QKI: variants seen among roughly 807,000 people sequenced by gnomAD.
QKI encodes the protein QKI, KH domain containing RNA binding.
Under a neutral mutation model 39.0 loss-of-function variants are expected in QKI, and 10 were observed. That is an observed-to-expected ratio of 0.26 (90% CI 0.16 to 0.43). The LOEUF is 0.43. Ranked by LOEUF, QKI falls within the 20% of genes least tolerant of loss-of-function variation. QKI has a pLI of 1.00. For synonymous variants in QKI, 204 were observed against 155.4 expected (o/e 1.31, Z -2.33); for missense variants, 218 against 428.0 (o/e 0.51, Z 4.33).
intron 3 of QKI, among the ~76,000 whole-genome samples, chr6:163,505,506 A>G (rs1001365142): frequency 6.6e-6 from 1 of 152,178 alleles, no homozygotes; most frequent in Non-Finnish European, 1.5e-5. Flanking sequence ...ATCCCTTGCA[A>G]CAACGTGTCC....
chr6:163,570,876 T>G lies in QKI; in HGVS notation c.*166T>G. Reference sequence around the variant, plus strand: ...CTAACCAAACAAAAGACAAAGAAATTGTTGTCCTCCAACTCAGCTTTTTTT... The same window carrying G: ...CTAACCAAACAAAAGACAAAGAAATGGTTGTCCTCCAACTCAGCTTTTTTT... On this transcript the variant is annotated 3_prime_UTR_variant, in exon 8 of 8. Transcript: ENST00000361752. 6 of 993,466 alleles carry G rather than the reference T, an allele frequency of 6.0e-6. No homozygotes were observed. Among genetic ancestry groups the G allele is most frequent in the South Asian group, 1.9e-5 (1 of 51,362 alleles). The allele number at this position is 993,466 out of a possible 1,614,324, so 61.5% of individuals were successfully genotyped here. A position where few individuals can be genotyped will look rare whatever the true frequency, so the allele number is the denominator to read the frequency against.
intron 1 of QKI, among the ~76,000 whole-genome samples, chr6:163,424,478 G>A (rs545260926): frequency 6.6e-6 from 1 of 152,250 alleles, no homozygotes; most frequent in East Asian, 1.9e-4. Context: ...CTGGTTTGGT[G>A]ATCTTGGGTG....
rs73015374 is a variant in QKI, at chr6:163,459,592, A to G, written c.285+4171A>G. Reference sequence around the variant, plus strand: ...GCCGAAAAATAATTGAGATGATCACATTGGCTTTGAGCATATGCTTGCTTT... The same window carrying G: ...GCCGAAAAATAATTGAGATGATCACGTTGGCTTTGAGCATATGCTTGCTTT... On this transcript the variant is annotated intron_variant, in intron 2 of 7. Transcript: ENST00000361752. Among the ~76,000 whole-genome samples the G allele has an allele frequency of 6.0e-3, 907 of 152,282 alleles. 6 individuals carry two copies. The highest frequency in any genetic ancestry group is 8.9e-3 in the Non-Finnish European group (605 of 68,030).
chr6:163,515,139 G>A (rs1025772940), intron 3 of QKI, among the ~76,000 whole-genome samples: 10 of 152,110 alleles, frequency 6.6e-5, no homozygotes, highest in Non-Finnish European at 1.5e-4. Context: ...TTGAAAAGAT[G>A]CTTTACCTTA....
At chr6:163,432,016 A>G (rs1254614105) in intron 1 of QKI, among the ~76,000 whole-genome samples, 1 of 152,136 alleles carries the variant, frequency 6.6e-6, no homozygotes, top group Admixed American at 6.5e-5. Flanking sequence ...ACAGAAATAT[A>G]TTTAAGTTAC....
At chr6:163,529,168 C>G (rs1000993909) in intron 3 of QKI, among the ~76,000 whole-genome samples, 2 of 152,012 alleles carry the variant, frequency 1.3e-5, no homozygotes, top group African/African-American at 4.8e-5. Flanking sequence ...GTCATGTACA[C>G]CTGGTAACTA....
Position 163,571,790 on chromosome 6 carries a change from CA to C in QKI, c.*1084del, listed in dbSNP as rs1562559779. 2 of 151,264 alleles carry C rather than the reference CA, an allele frequency of 1.3e-5. No homozygotes were observed. The highest frequency in any genetic ancestry group is 1.9e-4 in the East Asian group (1 of 5,178). 9.4% of individuals were successfully genotyped at this position (151,264 alleles called of 1,614,324 possible). ...ATTTTTTCTGGTGGTTGTCAAGAAA[CA>C]AAAGACCAAAAGAGCCTTTTTGTCT... On this transcript the variant is annotated 3_prime_UTR_variant, in exon 8 of 8. Transcript: ENST00000361752.
At chr6:163,510,495 G>A (rs6455901) in intron 3 of QKI, among the ~76,000 whole-genome samples, 112,750 of 151,052 alleles carry the variant, frequency 0.75, 42,174 homozygotes, top group East Asian at 1. Flanking sequence ...CGGGAGGTGT[G>A]GGTTGCAGTG....
At chr6:163,464,515 T>C (rs887661944) in intron 2 of QKI, among the ~76,000 whole-genome samples, 3 of 152,088 alleles carry the variant, frequency 2.0e-5, no homozygotes, top group African/African-American at 4.8e-5. Flanking sequence ...ACATTACAAC[T>C]GATACCATAG....
chr6:163,497,409 A>G (rs550601338), intron 3 of QKI, among the ~76,000 whole-genome samples: 2 of 152,134 alleles, frequency 1.3e-5, no homozygotes, highest in South Asian at 4.1e-4. Context: ...TGTATAGTTT[A>G]CTTTTTTCTG....
chr6:163,557,949 A>T (rs866616163), intron 4 of QKI, among the ~76,000 whole-genome samples: 1 of 152,220 alleles, frequency 6.6e-6, no homozygotes, highest in African/African-American at 2.4e-5. Flanking sequence ...ACCAGAAGCT[A>T]TGAGATTGCG....
At chr6:163,547,473 C>G (rs911624508) in intron 4 of QKI, among the ~76,000 whole-genome samples, 1 of 152,116 alleles carries the variant, frequency 6.6e-6, no homozygotes, top group African/African-American at 2.4e-5. Context: ...CTCCAGTTAC[C>G]ACTGCAGTGC....
Position 163,415,131 on chromosome 6 carries a change from C to A in QKI, c.-63C>A, listed in dbSNP as rs1582937089. 1 of 1,296,228 alleles carries A rather than the reference C, an allele frequency of 7.7e-7. No homozygotes were observed. The highest frequency in any genetic ancestry group is 1.0e-6 in the Non-Finnish European group (1 of 996,870). The allele number at this position is 1,296,228 out of a possible 1,614,324, so 80.3% of individuals were successfully genotyped here. ...CCCGCGGCCGGGGCTCGCCCCCGCC[C>A]CTCCCTCCTCTCCGGCGGCGGCGGC... On this transcript the variant is annotated 5_prime_UTR_variant, in exon 1 of 8. Transcript: ENST00000361752.
rs574459503 is a variant in QKI at position 163,417,144 on chromosome 6, T to C, written c.142+1809T>C. Among the ~76,000 whole-genome samples the C allele has an allele frequency of 1.3e-3, 198 of 152,282 alleles. 1 individual carries two copies. The highest frequency in any genetic ancestry group is 4.6e-3 in the African/African-American group (192 of 41,548). ...ACATTGAAAATACTTTCCTTAAAAT[T>C]ATTGGCACAACTTTATGACGTTTCA... On this transcript the variant is annotated intron_variant, in intron 1 of 7. Transcript: ENST00000361752.
chr6:163,496,718 C>T (rs553257883), intron 3 of QKI, among the ~76,000 whole-genome samples: 30 of 152,182 alleles, frequency 2.0e-4, no homozygotes, highest in Non-Finnish European at 4.0e-4. Flanking sequence ...CACATGCTCT[C>T]ATCATAGGGC....
At chr6:163,564,867 G>C (rs1047340953) in intron 6 of QKI, 2 of 1,379,244 alleles carry the variant, frequency 1.5e-6, no homozygotes, top group Non-Finnish European at 1.9e-6. Flanking sequence ...GCATGCTGTT[G>C]ACTTTTAGGA....
intron 6 of QKI, chr6:163,565,804 C>T (rs1783329285): frequency 7.4e-7 from 1 of 1,357,572 alleles, no homozygotes. Context: ...ATTTATGTCA[C>T]ATCTCACATT....
chr6:163,480,279 TTCTTC>T (rs1792978535), intron 3 of QKI, among the ~76,000 whole-genome samples: 1 of 151,934 alleles, frequency 6.6e-6, no homozygotes, highest in Non-Finnish European at 1.5e-5. Flanking sequence ...CTCTCTCTCT[TTCTTC>T]CTTCCTTCCT....
At chr6:163,429,524 C>T (rs1307918543) in intron 1 of QKI, among the ~76,000 whole-genome samples, 1 of 152,054 alleles carries the variant, frequency 6.6e-6, no homozygotes, top group African/African-American at 2.4e-5. Flanking sequence ...GTTGGACTTG[C>T]CACTTTGCTT....
Sources: gnomAD v4.1 joint callset for allele counts (sites outside exome capture counted in the v4.1 genomes callset) on GRCh38, gnomAD v4.1.1 for gene constraint, MANE v1.5 for transcripts, NCBI Gene and HGNC (gene_info 2026-07-23, HGNC 2026-07-21) for gene names.